C12orf42: variants seen among roughly 807,000 people sequenced by gnomAD.
The protein encoded by C12orf42 is chromosome 12 open reading frame 42.
In C12orf42, 25 loss-of-function variants were observed where a neutral mutation model predicts 21.6. The ratio of observed to expected loss-of-function variants is 1.16; its 90% confidence interval spans 0.84 to 1.62. The LOEUF is 1.62. C12orf42 is among the 40% of genes most tolerant of loss of function. C12orf42 has a pLI of 0.00. For synonymous variants in C12orf42, 174 were observed against 175.0 expected (o/e 0.99, Z 0.05); for missense variants, 483 against 459.3 (o/e 1.05, Z -0.47).
the C12orf42 span, among the ~76,000 whole-genome samples, chr12:103,206,521 TAC>T: frequency 5.4e-3 from 796 of 148,504 alleles, 2 homozygotes; most frequent in South Asian, 0.016. Flanking sequence ...TTTTCTATAT[TAC>T]ACACACACAC....
At chr12:103,513,759 A>G in the C12orf42 span, among the ~76,000 whole-genome samples, 1 of 152,244 alleles carries the variant, frequency 6.6e-6, no homozygotes. Context: ...CAACAAATAC[A>G]TGCTGGACAA....
chr12:103,146,546 AG>A, the C12orf42 span, among the ~76,000 whole-genome samples: 2 of 78,586 alleles, frequency 2.5e-5, no homozygotes, highest in African/African-American at 1.1e-4. Flanking sequence ...AGAAAGAAAG[AG>A]AAATAAAGAA....
At chr12:103,058,108 A>G in the C12orf42 span, among the ~76,000 whole-genome samples, 1 of 151,888 alleles carries the variant, frequency 6.6e-6, no homozygotes, top group Admixed American at 6.6e-5. Context: ...GGCACGTGCC[A>G]CCAGGCCAAG....
chr12:103,346,342 C>T (rs1033237832), intron 4 of C12orf42, among the ~76,000 whole-genome samples: 12 of 152,172 alleles, frequency 7.9e-5, no homozygotes, highest in African/African-American at 2.9e-4. Context: ...CACATTAACA[C>T]TAGTGCTTAA....
the C12orf42 span, among the ~76,000 whole-genome samples, chr12:103,077,266 T>C: frequency 6.6e-6 from 1 of 152,178 alleles, no homozygotes; most frequent in Non-Finnish European, 1.5e-5. Context: ...AAAACATCCA[T>C]TAAGCAATAT....
chr12:103,192,920 C>A, the C12orf42 span, among the ~76,000 whole-genome samples: 68 of 152,318 alleles, frequency 4.5e-4, no homozygotes, highest in African/African-American at 1.6e-3. Flanking sequence ...GAACATTCCA[C>A]TCAACAGCAG....
chr12:103,360,986 T>A (rs571420451), intron 4 of C12orf42, among the ~76,000 whole-genome samples: 2 of 152,192 alleles, frequency 1.3e-5, no homozygotes, highest in East Asian at 3.9e-4. Context: ...CTGCAAGCCT[T>A]TAACAGGGAT....
downstream of C12orf42, among the ~76,000 whole-genome samples, chr12:103,300,247 T>C (rs1291714353): frequency 1.3e-5 from 2 of 152,154 alleles, no homozygotes; most frequent in Admixed American, 6.5e-5. Flanking sequence ...TTGCTAGACA[T>C]TGGGTTAAAC....
At chr12:103,131,448 G>T in the C12orf42 span, among the ~76,000 whole-genome samples, 1 of 152,110 alleles carries the variant, frequency 6.6e-6, no homozygotes, top group Non-Finnish European at 1.5e-5. Flanking sequence ...GCCACAATCT[G>T]GGAATGTGTT....
intron 4 of C12orf42, among the ~76,000 whole-genome samples, chr12:103,332,910 T>C (rs2041368241): frequency 6.6e-6 from 1 of 152,202 alleles, no homozygotes; most frequent in Admixed American, 6.5e-5. Context: ...CCCTCTGTTT[T>C]GAGAATCAAA....
the C12orf42 span, among the ~76,000 whole-genome samples, chr12:103,118,959 G>A: frequency 3.3e-5 from 5 of 152,176 alleles, no homozygotes; most frequent in South Asian, 4.2e-4. Flanking sequence ...CATGCCCCAA[G>A]TTGCCCAAAA....
At chr12:103,108,489 A>T in the C12orf42 span, among the ~76,000 whole-genome samples, 2 of 152,112 alleles carry the variant, frequency 1.3e-5, no homozygotes, top group Non-Finnish European at 2.9e-5. Context: ...CATTAGAAAT[A>T]TTGGTTAATG....
At chr12:103,255,431 G>A (rs2034514886) in intron 10 of C12orf42, among the ~76,000 whole-genome samples, 1 of 152,022 alleles carries the variant, frequency 6.6e-6, no homozygotes, top group Non-Finnish European at 1.5e-5. Flanking sequence ...TAAATGAATG[G>A]CGTGTTAAAA....
intron 2 of C12orf42, among the ~76,000 whole-genome samples, chr12:103,405,330 T>A (rs2048340172): frequency 6.6e-6 from 1 of 152,186 alleles, no homozygotes; most frequent in African/African-American, 2.4e-5. Flanking sequence ...AAGAATGAAT[T>A]TTCTCAGAAT....
the C12orf42 span, among the ~76,000 whole-genome samples, chr12:103,546,438 T>C: frequency 6.6e-6 from 1 of 152,190 alleles, no homozygotes; most frequent in African/African-American, 2.4e-5. Flanking sequence ...CCTTTTGTGG[T>C]TGCTTTTATG....
chr12:103,507,644 A>T, the C12orf42 span, among the ~76,000 whole-genome samples: 2 of 150,066 alleles, frequency 1.3e-5, no homozygotes, highest in African/African-American at 4.9e-5. Context: ...GCACTACTGC[A>T]CCTAGCCTAG....
chr12:103,539,531 A>G, the C12orf42 span, among the ~76,000 whole-genome samples: 1 of 152,074 alleles, frequency 6.6e-6, no homozygotes, highest in African/African-American at 2.4e-5. Flanking sequence ...TTTACTTTTT[A>G]AAATATATCT....
chr12:103,482,357 A>C (rs919243727), intron 1 of C12orf42, among the ~76,000 whole-genome samples: 2 of 152,012 alleles, frequency 1.3e-5, no homozygotes, highest in Non-Finnish European at 2.9e-5. Flanking sequence ...CTCTCAGTCC[A>C]CTTAAGGTAT....
At chr12:103,283,556 A>G (rs945418137) in intron 4 of C12orf42, among the ~76,000 whole-genome samples, 1 of 152,148 alleles carries the variant, frequency 6.6e-6, no homozygotes, top group Non-Finnish European at 1.5e-5. Context: ...TGTTCCAGAC[A>G]CACTAGCCTC....
Sources: allele counts gnomAD v4.1 joint callset (sites outside exome capture counted in the v4.1 genomes callset), GRCh38; gene constraint gnomAD v4.1.1; transcripts MANE v1.5; gene names NCBI Gene and HGNC (gene_info 2026-07-23, HGNC 2026-07-21).